ERC2: variants seen among roughly 807,000 people sequenced by gnomAD.
ERC2 encodes the protein ERC protein 2.
ERC2 carries 42 observed loss-of-function variants against 114.8 expected under a neutral mutation model. That is an observed-to-expected ratio of 0.37 (90% CI 0.29 to 0.47). The LOEUF is 0.47. Ranked by LOEUF, ERC2 falls within the 20% of genes least tolerant of loss-of-function variation. ERC2 has a pLI of 0.99. For missense variants in ERC2, 939 were observed against 1,150.7 expected, an observed-to-expected ratio of 0.82 and a Z score of 2.66; for synonymous variants, 454 against 425.5, an observed-to-expected ratio of 1.07 and a Z score of -0.82.
chr3:55,795,747 C>T (rs1268570537), intron 14 of ERC2, among the ~76,000 whole-genome samples: 2 of 152,182 alleles, frequency 1.3e-5, no homozygotes, highest in African/African-American at 4.8e-5. Flanking sequence ...ACTGCCACTT[C>T]CTAGCTGCAT....
intron 2 of ERC2, among the ~76,000 whole-genome samples, chr3:56,368,800 T>C (rs559065229): frequency 2.5e-4 from 38 of 152,212 alleles, no homozygotes; most frequent in African/African-American, 8.7e-4. Context: ...TATAATCTTC[T>C]TGTCTATTGA....
chr3:55,605,749 A>C (rs1295439195), intron 17 of ERC2, among the ~76,000 whole-genome samples: 1 of 152,218 alleles, frequency 6.6e-6, no homozygotes, highest in Non-Finnish European at 1.5e-5. Context: ...CAATTCCAAA[A>C]CTGAAAATTA....
chr3:56,141,102 C>T lies in ERC2; in HGVS notation c.1306-1426G>A, dbSNP rs114834439. Among the ~76,000 whole-genome samples, 422 of 152,274 alleles carry T rather than the reference C, an allele frequency of 2.8e-3. 4 individuals are homozygous for T. The highest frequency in any genetic ancestry group is 9.9e-3 in the African/African-American group (410 of 41,562). On this transcript the variant is annotated intron_variant, in intron 5 of 17. Coordinates refer to ENST00000288221, the MANE Select transcript of ERC2 (RefSeq NM_015576.3). ...CACAAGCACCTTGCAAGTATGCCAA[C>T]CACTCCACCTCTTCACTAATAACTT...
chr3:55,607,615 T>G (rs112875968), intron 17 of ERC2, among the ~76,000 whole-genome samples: 41 of 19,238 alleles, frequency 2.1e-3, no homozygotes, highest in African/African-American at 0.012. Context: ...AAATAGTGTG[T>G]TTTTTTTTTT....
At chr3:56,263,138 T>G (rs2053054478) in intron 3 of ERC2, among the ~76,000 whole-genome samples, 1 of 152,200 alleles carries the variant, frequency 6.6e-6, no homozygotes, top group Non-Finnish European at 1.5e-5. Flanking sequence ...TTCAAAGTGT[T>G]TTTTATTTTT....
At chr3:56,154,832 C>G (rs2081607231) in intron 4 of ERC2, among the ~76,000 whole-genome samples, 1 of 152,120 alleles carries the variant, frequency 6.6e-6, no homozygotes, top group Non-Finnish European at 1.5e-5. Flanking sequence ...AGAGCCTACC[C>G]TAAGAGAGTG....
chr3:55,565,051 C>T (rs987403480), intron 17 of ERC2, among the ~76,000 whole-genome samples: 2 of 152,190 alleles, frequency 1.3e-5, no homozygotes, highest in Non-Finnish European at 1.5e-5. Flanking sequence ...AGTTTGCTGA[C>T]CCCTTTCTCT....
intron 6 of ERC2, among the ~76,000 whole-genome samples, chr3:56,091,267 G>A (rs1471394030): frequency 6.6e-6 from 1 of 152,012 alleles, no homozygotes; most frequent in Non-Finnish European, 1.5e-5. Flanking sequence ...GAAGACAGCT[G>A]GCAGAACTGA....
intron 3 of ERC2, among the ~76,000 whole-genome samples, chr3:56,174,161 G>C (rs1382288072): frequency 6.6e-6 from 1 of 152,194 alleles, no homozygotes; most frequent in Non-Finnish European, 1.5e-5. Context: ...GAAAAAAATT[G>C]TTAAAGCCAG....
intron 2 of ERC2, among the ~76,000 whole-genome samples, chr3:56,348,143 C>T (rs1316923965): frequency 6.6e-6 from 1 of 152,184 alleles, no homozygotes; most frequent in Non-Finnish European, 1.5e-5. Context: ...CCCTTAGCTT[C>T]TCCTTCCCTT....
At chr3:56,250,152 G>T (rs368683766) in intron 3 of ERC2, among the ~76,000 whole-genome samples, 67 of 152,236 alleles carry the variant, frequency 4.4e-4, no homozygotes, top group African/African-American at 1.5e-3. Flanking sequence ...CACCACGCCC[G>T]GCCATCAAAT....
chr3:56,298,814 C>A (rs975092068), intron 2 of ERC2, among the ~76,000 whole-genome samples: 1 of 152,102 alleles, frequency 6.6e-6, no homozygotes, highest in African/African-American at 2.4e-5. Context: ...ATACTAAAAC[C>A]AACGAATTTC....
At chr3:56,412,502 G>A (rs1488009965) in intron 2 of ERC2, among the ~76,000 whole-genome samples, 2 of 152,256 alleles carry the variant, frequency 1.3e-5, no homozygotes. Context: ...AAGCACACAA[G>A]GGGTTTGTGG....
chr3:56,179,814 T>C (rs1326396196), intron 3 of ERC2, among the ~76,000 whole-genome samples: 1 of 151,816 alleles, frequency 6.6e-6, no homozygotes, highest in Non-Finnish European at 1.5e-5. Context: ...ATTAGACATT[T>C]AAGTGAAGGT....
chr3:55,793,921 C>T (rs538270914), intron 14 of ERC2, among the ~76,000 whole-genome samples: 3 of 152,066 alleles, frequency 2.0e-5, no homozygotes, highest in Non-Finnish European at 4.4e-5. Flanking sequence ...TGTGTAATTG[C>T]CTAGATATAG....
Position 56,370,839 on chromosome 3 carries a change from C to T in ERC2, c.657+63512G>A, listed in dbSNP as rs934562188. On this transcript the variant is annotated intron_variant, in intron 2 of 17. Coordinates refer to ENST00000288221, the MANE Select transcript of ERC2 (RefSeq NM_015576.3). ...AAACTCCTGACGTCAGGTGATCTGC[C>T]TGCCTTGGCCTCCCAAAGTGTTGGG... 3.9e-5 allele frequency among the ~76,000 whole-genome samples: 6 copies of T among 152,284 alleles called. No homozygotes were observed. In the East Asian group the frequency reaches 1.2e-3, roughly 29 times the overall value.
chr3:55,851,188 T>TTTTTTTTTTTTTTTTTTTTGAG (rs1427189122), intron 14 of ERC2, among the ~76,000 whole-genome samples: 9 of 148,078 alleles, frequency 6.1e-5, no homozygotes, highest in South Asian at 4.6e-4. Context: ...ATGATTTTTT[T>TTTTTTTTTTTTTTTTTTTTGAG]AAGCCCATGC....
intron 7 of ERC2, among the ~76,000 whole-genome samples, chr3:56,068,966 T>C (rs2076604318): frequency 6.6e-6 from 1 of 152,220 alleles, no homozygotes; most frequent in African/African-American, 2.4e-5. Flanking sequence ...AATTTTGTGA[T>C]CGATTTTAGA....
Position 55,721,927 on chromosome 3 carries a change from G to A in ERC2, c.2712+12844C>T, listed in dbSNP as rs2064579961. Among the ~76,000 whole-genome samples, 4 of 152,160 alleles carry A rather than the reference G, an allele frequency of 2.6e-5. No individual in the cohort carries two copies. The South Asian group carries it at 8.3e-4, about 32-fold the overall frequency. On this transcript the variant is annotated intron_variant, in intron 15 of 17. Transcript: ENST00000288221. ...TTCTGAGCTGTGTTTGTAATTCTAG[G>A]AGTGCTGGGCCATGAGAAAGAGGAA...
Sources: gnomAD v4.1 joint callset for allele counts (sites outside exome capture counted in the v4.1 genomes callset) on GRCh38, gnomAD v4.1.1 for gene constraint, MANE v1.5 for transcripts, NCBI Gene and HGNC (gene_info 2026-07-23, HGNC 2026-07-21) for gene names.